CTNNA3: variants seen among roughly 807,000 people sequenced by gnomAD.
The protein encoded by CTNNA3 is catenin alpha-3.
A neutral mutation model predicts 95.7 loss-of-function variants in CTNNA3; 76 were observed. That is an observed-to-expected ratio of 0.79 (90% CI 0.66 to 0.96). The LOEUF (loss-of-function observed/expected upper bound fraction) is 0.96. CTNNA3 is among the 40% of genes least tolerant of loss of function. The pLI, the probability that CTNNA3 is intolerant of heterozygous loss-of-function variation, is 0.00. For synonymous variants in CTNNA3, 431 were observed against 374.4 expected, an observed-to-expected ratio of 1.15 and a Z score of -1.74; for missense variants, 1,191 against 1,089.8, an observed-to-expected ratio of 1.09 and a Z score of -1.31.
chr10:67,146,384 T>C (rs1290743081), intron 7 of CTNNA3, among the ~76,000 whole-genome samples: 1 of 152,142 alleles, frequency 6.6e-6, no homozygotes, highest in African/African-American at 2.4e-5. Context: ...TCTAGGAGAG[T>C]AGCAAAGAGA....
intron 7 of CTNNA3, among the ~76,000 whole-genome samples, chr10:66,844,594 T>A (rs571521588): frequency 6.6e-6 from 1 of 152,332 alleles, no homozygotes; most frequent in South Asian, 2.1e-4. Context: ...TAGCTAGTCC[T>A]TTGTGGAATC....
chr10:67,505,993 T>C (rs1839417579), intron 5 of CTNNA3, among the ~76,000 whole-genome samples: 1 of 152,206 alleles, frequency 6.6e-6, no homozygotes, highest in Admixed American at 6.5e-5. Flanking sequence ...TATTGTGGCA[T>C]CTTGCTAAAA....
intron 1 of CTNNA3, among the ~76,000 whole-genome samples, chr10:67,758,926 T>C (rs1841448336): frequency 6.6e-6 from 1 of 152,196 alleles, no homozygotes; most frequent in African/African-American, 2.4e-5. Context: ...TTCTTCTTCT[T>C]ACTTCTTAAT....
chr10:67,604,899 T>C (rs1376817530), intron 3 of CTNNA3, among the ~76,000 whole-genome samples: 1 of 152,212 alleles, frequency 6.6e-6, no homozygotes, highest in Non-Finnish European at 1.5e-5. Context: ...TTTCTATTTA[T>C]TGTCTGAAGA....
chr10:67,151,787 T>C (rs987137396), intron 7 of CTNNA3, among the ~76,000 whole-genome samples: 21 of 152,162 alleles, frequency 1.4e-4, no homozygotes, highest in Middle Eastern at 3.2e-3. Context: ...AAAATAAAAC[T>C]TGGTGTTCGA....
In CTNNA3 at chr10:66,844,249, C is replaced by T. The variant is rs1321330563; in HGVS notation, c.1048-68725G>A. Among the ~76,000 whole-genome samples, 7 of 152,200 alleles carry T rather than the reference C, an allele frequency of 4.6e-5. No homozygotes were observed. In the South Asian group the frequency reaches 6.2e-4, roughly 14 times the overall value. On this transcript the variant is annotated intron_variant, in intron 7 of 17. Coordinates refer to ENST00000433211, the MANE Select transcript of CTNNA3 (RefSeq NM_013266.4). The stretch of plus-strand genomic sequence containing the variant: ...CTTTTTGAGTAGTTTATGGTTTTTC[C>T]AAATAATATTCATTAGGCAGTTCAA...
rs1842670921 is a variant in CTNNA3, at chr10:66,830,353, C to T, written c.1048-54829G>A. ...AAGATATTTAAAATGCAAACAAATA[C>T]CTGAAGGTTTTTCTTTCCTAGAGTT... On this transcript the variant is annotated intron_variant, in intron 7 of 17. Coordinates refer to ENST00000433211, the MANE Select transcript of CTNNA3 (RefSeq NM_013266.4). Among the ~76,000 whole-genome samples the T allele has an allele frequency of 2.0e-5, 3 of 152,082 alleles. No individual in the cohort carries two copies. The East Asian group carries it at 5.8e-4, about 29-fold the overall frequency.
rs998819656 is a variant in CTNNA3 at position 67,233,062 on chromosome 10, C to G, written c.580-13192G>C. On this transcript the variant is annotated intron_variant, in intron 5 of 17. Coordinates refer to ENST00000433211, the MANE Select transcript of CTNNA3 (RefSeq NM_013266.4). ...CTTAGACTCCCACACAATAATAATG[C>G]GAGACTTTAACACCCCACTGTCAAC... Among the ~76,000 whole-genome samples, 9 of 152,190 alleles carry G rather than the reference C, an allele frequency of 5.9e-5. No individual in the cohort carries two copies. The South Asian group carries it at 6.2e-4, about 11-fold the overall frequency.
chr10:67,015,905 T>C (rs1031903593), intron 7 of CTNNA3, among the ~76,000 whole-genome samples: 1 of 152,070 alleles, frequency 6.6e-6, no homozygotes, highest in Non-Finnish European at 1.5e-5. Flanking sequence ...GACTTTGTTT[T>C]CAATCAAGTT....
At chr10:67,726,590 A>ATG (rs1841227160) in intron 1 of CTNNA3, among the ~76,000 whole-genome samples, 1 of 36,702 alleles carries the variant, frequency 2.7e-5, no homozygotes, top group African/African-American at 1.4e-4. Context: ...ATAATATGTA[A>ATG]TATTATATTA....
At chr10:67,240,685 T>G (rs565833372) in intron 5 of CTNNA3, among the ~76,000 whole-genome samples, 9 of 152,204 alleles carry the variant, frequency 5.9e-5, no homozygotes, top group African/African-American at 1.9e-4. Context: ...TATTAAGATA[T>G]CTCCCAAGGT....
intron 11 of CTNNA3, among the ~76,000 whole-genome samples, chr10:66,448,390 C>T (rs369042597): frequency 9.9e-5 from 15 of 152,086 alleles, no homozygotes; most frequent in African/African-American, 1.4e-4. Flanking sequence ...ATGTTTATTG[C>T]GGCACTATTC....
intron 15 of CTNNA3, among the ~76,000 whole-genome samples, chr10:66,001,175 A>G (rs1485482693): frequency 6.6e-6 from 1 of 152,058 alleles, no homozygotes; most frequent in African/African-American, 2.4e-5. Context: ...GGTCATGACA[A>G]GTGATTGAAA....
intron 7 of CTNNA3, among the ~76,000 whole-genome samples, chr10:67,155,568 T>G (rs1336074765): frequency 5.3e-5 from 8 of 152,108 alleles, no homozygotes; most frequent in Non-Finnish European, 1.2e-4. Context: ...TCATTCTTCT[T>G]TTAGTTACCA....
At chr10:66,756,741 A>G (rs1237418978) in intron 9 of CTNNA3, among the ~76,000 whole-genome samples, 1 of 152,092 alleles carries the variant, frequency 6.6e-6, no homozygotes, top group Non-Finnish European at 1.5e-5. Context: ...AGCTGGGAGG[A>G]ACCCACTTCC....
At chr10:67,525,371 A>C (rs1840110712) in intron 4 of CTNNA3, among the ~76,000 whole-genome samples, 1 of 152,166 alleles carries the variant, frequency 6.6e-6, no homozygotes. Context: ...TAATAATAGT[A>C]ATCCATCAAA....
chr10:66,331,552 C>T (rs7086534), intron 12 of CTNNA3, among the ~76,000 whole-genome samples: 34,121 of 151,072 alleles, frequency 0.23, 4,335 homozygotes, highest in South Asian at 0.39. Context: ...CGGGGTTTCA[C>T]CATGTTAGCC....
chr10:66,429,398 T>A (rs546873236), intron 11 of CTNNA3, among the ~76,000 whole-genome samples: 1 of 151,166 alleles, frequency 6.6e-6, no homozygotes, highest in South Asian at 2.1e-4. Flanking sequence ...CCCTAACTCA[T>A]TTTATGAGGC....
chr10:67,462,177 T>G (rs900724708), intron 5 of CTNNA3, among the ~76,000 whole-genome samples: 1 of 152,160 alleles, frequency 6.6e-6, no homozygotes, highest in Non-Finnish European at 1.5e-5. Context: ...AGCACCTAAT[T>G]CTCTCTGTTC....
Sources: gnomAD v4.1 joint callset for allele counts (sites outside exome capture counted in the v4.1 genomes callset) on GRCh38, gnomAD v4.1.1 for gene constraint, MANE v1.5 for transcripts, NCBI Gene and HGNC (gene_info 2026-07-23, HGNC 2026-07-21) for gene names.